The following SCARA3 variants were observed in gnomAD, a reference collection of about 807,000 sequenced individuals.
SCARA3 encodes the protein scavenger receptor class A member 3.
SCARA3 carries 39 observed loss-of-function variants against 47.0 expected under a neutral mutation model. The observed-to-expected ratio is 0.83, with a 90% CI of 0.64 to 1.08. The LOEUF (loss-of-function observed/expected upper bound fraction) is 1.08, where lower values mean the gene tolerates loss of function less well. SCARA3 is among the 50% of genes least tolerant of loss of function. The pLI, the probability that SCARA3 is intolerant of heterozygous loss-of-function variation, is 0.00. For synonymous variants in SCARA3, 356 were observed against 334.1 expected (o/e 1.07, Z -0.71); for missense variants, 724 against 792.3 (o/e 0.91, Z 1.04).
the SCARA3 span, among the ~76,000 whole-genome samples, chr8:27,705,162 G>A: frequency 6.6e-6 from 1 of 152,178 alleles, no homozygotes; most frequent in Non-Finnish European, 1.5e-5. Context: ...GGTGCCAGAG[G>A]GAGAGAAAAT....
the SCARA3 span, among the ~76,000 whole-genome samples, chr8:27,684,877 G>A: frequency 1.3e-5 from 2 of 151,558 alleles, no homozygotes; most frequent in African/African-American, 4.8e-5. Flanking sequence ...ACTCCAGCCT[G>A]GGCAACATAG....
rs139395593 is a variant in SCARA3, at chr8:27,658,894, G to A, written c.724G>A (p.Asp242Asn). The change falls in exon 5 of 6, where the codon GAC (aspartate) becomes AAC (asparagine). Residue 242 changes from aspartate to asparagine, a missense_variant. By Grantham distance (23) the Asp-to-Asn change is conservative. Transcript: ENST00000301904. ...EWIHGIQRKTDEETLTLQKIV... is the reference protein window; with the variant it reads ...EWIHGIQRKTNEETLTLQKIV... ...GATCCACGGGATCCAGCGGAAGACA[G>A]ACGAGGAGACCCTGACCCTCCAGAA... is the stretch of plus-strand genomic sequence containing the variant. 1 of 1,614,178 alleles carries A rather than the reference G, an allele frequency of 6.2e-7. No homozygotes were observed. Among genetic ancestry groups the A allele is most frequent in the African/African-American group, 1.3e-5 (1 of 75,048 alleles).
chr8:27,731,101 CTTT>C, the SCARA3 span, among the ~76,000 whole-genome samples: 2 of 135,316 alleles, frequency 1.5e-5, no homozygotes, highest in Non-Finnish European at 1.6e-5. Context: ...TCTTTTTTTT[CTTT>C]TTTTTTTTTT....
chr8:27,676,447 G>GAC, downstream of SCARA3: 1 of 1,038,590 alleles, frequency 9.6e-7, no homozygotes, highest in East Asian at 2.6e-5. Context: ...CCAGGCCCCC[G>GAC]ACTTCCCTGA....
At chr8:27,702,043 T>G in the SCARA3 span, 1 of 152,204 alleles carries the variant, frequency 6.6e-6, no homozygotes, top group South Asian at 2.1e-4. Flanking sequence ...AGAATATGTG[T>G]GAGTAGGACA....
At chr8:27,663,862 C>G (rs903013667) in intron 5 of SCARA3, among the ~76,000 whole-genome samples, 2 of 152,192 alleles carry the variant, frequency 1.3e-5, no homozygotes, top group African/African-American at 4.8e-5. Context: ...GCAGAGCCTT[C>G]CCCTGTTCTG....
At chr8:27,713,590 A>T in the SCARA3 span, among the ~76,000 whole-genome samples, 22 of 152,170 alleles carry the variant, frequency 1.4e-4, no homozygotes, top group South Asian at 1.0e-3. Flanking sequence ...ATTTGCTTTG[A>T]TGCTCAGATT....
In SCARA3 at chr8:27,658,532, A is replaced by C. The variant is rs1335058090; in HGVS notation, c.362A>C (p.Glu121Ala). 8.1e-6 allele frequency: 13 copies of C among 1,612,810 alleles called. No homozygotes were observed. The highest frequency in any genetic ancestry group is 1.3e-5 in the African/African-American group (1 of 74,898). The change falls in exon 5 of 6, where the codon GAA becomes GCA. Residue 121 changes from glutamate (E) to alanine (A), a missense_variant. Coordinates refer to ENST00000301904, the MANE Select transcript of SCARA3 (RefSeq NM_016240.3). ...KALNNCSFCHEAGQLGPEIRK... is the reference protein window; with the variant it reads ...KALNNCSFCHAAGQLGPEIRK... The stretch of plus-strand genomic sequence containing the variant: ...CTGAACAACTGCTCTTTCTGCCATG[A>C]AGCTGGGCAGCTGGGGCCAGAGATC...
chr8:27,699,066 A>C, the SCARA3 span, among the ~76,000 whole-genome samples: 2 of 151,806 alleles, frequency 1.3e-5, no homozygotes, highest in Non-Finnish European at 2.9e-5. Flanking sequence ...AACATGGTGA[A>C]ACCCTGTCTC....
At chr8:27,691,780 G>T in the SCARA3 span, among the ~76,000 whole-genome samples, 1 of 151,972 alleles carries the variant, frequency 6.6e-6, no homozygotes, top group Admixed American at 6.5e-5. Flanking sequence ...TCTCAACAAA[G>T]TTCTCCCACC....
intron 3 of SCARA3, among the ~76,000 whole-genome samples, chr8:27,653,645 A>G (rs1016537613): frequency 1.3e-5 from 2 of 151,580 alleles, no homozygotes; most frequent in Non-Finnish European, 2.9e-5. Context: ...AATGCTTTAC[A>G]ACCAGAACTG....
chr8:27,646,328 A>C (rs902488461), intron 1 of SCARA3, among the ~76,000 whole-genome samples: 4 of 152,220 alleles, frequency 2.6e-5, no homozygotes, highest in African/African-American at 9.6e-5. Flanking sequence ...ACTGGCTAAC[A>C]GTTGCTAATC....
the SCARA3 span, among the ~76,000 whole-genome samples, chr8:27,714,193 C>CTTTTTTTTTTT: frequency 3.4e-3 from 383 of 114,102 alleles, 6 homozygotes; most frequent in Non-Finnish European, 4.2e-3. Flanking sequence ...TCAGGTATTC[C>CTTTTTTTTTTT]TTTTTTTTTT....
In SCARA3 at chr8:27,638,047, T is replaced by C. The variant is rs1355418216; in HGVS notation, c.7+3840T>C. 4.6e-5 allele frequency among the ~76,000 whole-genome samples: 7 copies of C among 152,020 alleles called. No homozygotes were observed. In the East Asian group the frequency reaches 1.4e-3, roughly 30 times the overall value. On this transcript the variant is annotated intron_variant, in intron 1 of 5. Coordinates refer to ENST00000301904, the MANE Select transcript of SCARA3 (RefSeq NM_016240.3). ...GAGTTCGGCTCCAAATCCTCAAACA[T>C]CGGCCCCACTCCCACCCCCAGCCAA...
At chr8:27,718,408 A>G in the SCARA3 span, among the ~76,000 whole-genome samples, 4 of 152,380 alleles carry the variant, frequency 2.6e-5, no homozygotes, top group Non-Finnish European at 5.9e-5. Context: ...TCCCCAAAAC[A>G]TTAGGCCAGC....
the SCARA3 span, among the ~76,000 whole-genome samples, chr8:27,684,910 T>A: frequency 3.1e-4 from 45 of 146,780 alleles, no homozygotes; most frequent in African/African-American, 9.5e-4. Flanking sequence ...CTAAAAAAAA[T>A]TTTAATTAAT....
chr8:27,647,749 C>T (rs952212302), intron 1 of SCARA3, among the ~76,000 whole-genome samples: 13 of 152,274 alleles, frequency 8.5e-5, no homozygotes, highest in African/African-American at 2.4e-4. Flanking sequence ...GGGGAAGTGA[C>T]GTTTAAGCCA....
At chr8:27,726,465 G>A in the SCARA3 span, among the ~76,000 whole-genome samples, 3 of 152,120 alleles carry the variant, frequency 2.0e-5, no homozygotes, top group Non-Finnish European at 2.9e-5. Flanking sequence ...TTGGGAAGCC[G>A]AGGCGGGTGG....
intron 1 of SCARA3, among the ~76,000 whole-genome samples, chr8:27,644,226 G>A (rs558172835): frequency 1.3e-5 from 2 of 152,220 alleles, no homozygotes; most frequent in East Asian, 3.8e-4. Flanking sequence ...CTTGGCCTTG[G>A]CCTTGGCCTT....
Sources: allele counts gnomAD v4.1 joint callset (sites outside exome capture counted in the v4.1 genomes callset), GRCh38; gene constraint gnomAD v4.1.1; transcripts MANE v1.5; gene names NCBI Gene and HGNC (gene_info 2026-07-23, HGNC 2026-07-21).